Variants in NHSL1 observed in about 807,000 individuals in gnomAD.
NHSL1 encodes the protein NHS like 1.
A neutral mutation model predicts 95.0 loss-of-function variants in NHSL1; 48 were observed. The observed-to-expected ratio is 0.51, with a 90% confidence interval of 0.40 to 0.64. The LOEUF (loss-of-function observed/expected upper bound fraction) is 0.64. NHSL1 is among the 30% of genes least tolerant of loss of function. The probability of loss-of-function intolerance (pLI) is 0.00; values close to 1 mark genes in which losing one functional copy is unlikely to be tolerated. For missense variants in NHSL1, 1,971 were observed against 2,077.7 expected (o/e 0.95, Z 1.00); for synonymous variants, 783 against 833.9 (o/e 0.94, Z 1.05).
chr6:138,424,653 C>G lies in NHSL1; in HGVS notation c.4249G>C (p.Asp1417His), dbSNP rs763887669. Residue 1417 changes from aspartate (D) to histidine (H), a missense_variant, in exon 8 of 8, where the codon GAC becomes CAC. Coordinates refer to ENST00000343505, the MANE Select transcript of NHSL1 (RefSeq NM_001144060.2). This position sits in a 1 kb window ranked among gnomAD's most constrained non-coding sequence, Gnocchi z 5.9. The stretch of plus-strand genomic sequence containing the variant: ...TTCAGCAGCAGAGCTTTGAAGTTGT[C>G]ACTGCTGGTGCTGCTCTTTCGGATG... ...RSIRKSSTSSDNFKALLLKKG... is the reference protein window; with the variant it reads ...RSIRKSSTSSHNFKALLLKKG... The G allele has an allele frequency of 1.4e-5, 21 of 1,551,434 alleles. No individual in the cohort carries two copies. Among genetic ancestry groups the G allele is most frequent in the Non-Finnish European group, 1.8e-5 (21 of 1,146,992 alleles).
chr6:138,491,868 A>G lies in NHSL1; in HGVS notation c.211+4351T>C, dbSNP rs1231914825. Among the ~76,000 whole-genome samples the G allele has an allele frequency of 2.6e-5, 4 of 152,120 alleles. No homozygotes were observed. In the East Asian group the frequency reaches 7.7e-4, roughly 29 times the overall value. On this transcript the variant is annotated intron_variant, in intron 2 of 7. Coordinates refer to ENST00000343505, the MANE Select transcript of NHSL1 (RefSeq NM_001144060.2). ...CTAATCCCAAAACCCAAAATGCTCAAATGAGTACTTCCTTTGAGCATCATG... is the reference window on the plus strand; with the variant it reads ...CTAATCCCAAAACCCAAAATGCTCAGATGAGTACTTCCTTTGAGCATCATG...
At chr6:138,546,360 G>A (rs547916239), upstream of NHSL1, among the ~76,000 whole-genome samples, 3 of 139,570 alleles carry the variant, frequency 2.1e-5, no homozygotes, top group East Asian at 2.3e-4. Flanking sequence ...GGAGACCAAG[G>A]TGGGAATATC....
chr6:138,465,724 CTTT>C (rs61271607), intron 3 of NHSL1, among the ~76,000 whole-genome samples: 164 of 132,806 alleles, frequency 1.2e-3, no homozygotes, highest in Middle Eastern at 7.9e-3. Flanking sequence ...TTTTTCTTTT[CTTT>C]TTTTTTTTTT....
intron 2 of NHSL1, among the ~76,000 whole-genome samples, chr6:138,474,585 A>T (rs1276758317): frequency 2.0e-5 from 3 of 152,208 alleles, no homozygotes; most frequent in Non-Finnish European, 4.4e-5. Flanking sequence ...GATCTGTTAG[A>T]ATGGCAAACT....
At chr6:138,491,601 A>C (rs1466006512) in intron 2 of NHSL1, among the ~76,000 whole-genome samples, 1 of 152,224 alleles carries the variant, frequency 6.6e-6, no homozygotes, top group Non-Finnish European at 1.5e-5. Flanking sequence ...AAAAGGGTAG[A>C]CTTCTTCTGG....
chr6:138,477,460 G>A (rs1373530568), intron 2 of NHSL1, among the ~76,000 whole-genome samples: 5 of 152,000 alleles, frequency 3.3e-5, no homozygotes, highest in African/African-American at 9.7e-5. Flanking sequence ...TTAATTAGCC[G>A]GGCATGGTGG....
intron 5 of NHSL1, among the ~76,000 whole-genome samples, chr6:138,437,458 A>C (rs1437362834): frequency 2.4e-4 from 34 of 142,316 alleles, no homozygotes; most frequent in African/African-American, 9.1e-4. Flanking sequence ...AAAAAAAAAA[A>C]AAAAATACAA....
At chr6:138,453,494 A>G (rs528775392) in intron 3 of NHSL1, among the ~76,000 whole-genome samples, 32 of 151,694 alleles carry the variant, frequency 2.1e-4, no homozygotes, top group African/African-American at 7.3e-4. Context: ...AGCTGGGAGT[A>G]TGGATGTGCA....
At chr6:138,540,068 A>G (rs1295010382) in intron 1 of NHSL1, among the ~76,000 whole-genome samples, 1 of 152,238 alleles carries the variant, frequency 6.6e-6, no homozygotes, top group Non-Finnish European at 1.5e-5. Context: ...AATGCATGTT[A>G]TTACCACTGT....
chr6:138,493,910 T>C (rs1780209500), intron 2 of NHSL1, among the ~76,000 whole-genome samples: 1 of 152,222 alleles, frequency 6.6e-6, no homozygotes, highest in Non-Finnish European at 1.5e-5. Flanking sequence ...ATTCTTCTTA[T>C]TTAAGACTGA....
At chr6:138,658,106 C>G (rs1372353477) in intron 1 of NHSL1, among the ~76,000 whole-genome samples, 4 of 152,086 alleles carry the variant, frequency 2.6e-5, no homozygotes, top group Non-Finnish European at 4.4e-5. Flanking sequence ...ATAAATGAGG[C>G]TATAGGAGTC....
upstream of NHSL1, chr6:138,545,879 A>AG: frequency 3.3e-5 from 32 of 965,044 alleles, no homozygotes; most frequent in Non-Finnish European, 3.9e-5. Flanking sequence ...TCATCTTGAA[A>AG]GGGGAAAGGA....
At chr6:138,487,447 T>C (rs1449131763) in intron 2 of NHSL1, among the ~76,000 whole-genome samples, 1 of 152,224 alleles carries the variant, frequency 6.6e-6, no homozygotes, top group Non-Finnish European at 1.5e-5. Flanking sequence ...TTGATTGCAC[T>C]ATAATATCCA....
At chr6:138,479,926 A>G (rs1453717929) in intron 2 of NHSL1, among the ~76,000 whole-genome samples, 2 of 152,210 alleles carry the variant, frequency 1.3e-5, no homozygotes, top group African/African-American at 4.8e-5. Context: ...CCTTAAATAG[A>G]TGGTTACTAA....
In NHSL1 at chr6:138,433,657, C is replaced by A; in HGVS notation, c.688G>T (p.Ala230Ser). The change falls in exon 6 of 8, where the codon GCT (alanine) becomes TCT (serine). Residue 230 changes from alanine to serine, a missense_variant. By Grantham distance (99) the Ala-to-Ser change is moderately conservative. This residue lies in a region of NHSL1 where 1,602 missense variants were observed against 1,654.5 expected (regional missense o/e 0.97). Coordinates refer to ENST00000343505, the MANE Select transcript of NHSL1 (RefSeq NM_001144060.2). Reference protein sequence around the residue: ...ELASGTGQDDADGHSVYTPDH... With the variant: ...ELASGTGQDDSDGHSVYTPDH... ...GGGGTGTACACTGAGTGGCCATCAG[C>A]ATCATCTTGGCCAGTGCCTGATGCT... 3 of 1,543,750 alleles carry A rather than the reference C, an allele frequency of 1.9e-6. No homozygotes were observed. The highest frequency in any genetic ancestry group is 2.6e-6 in the Non-Finnish European group (3 of 1,140,648).
chr6:138,587,702 A>G (rs200638543), intron 1 of NHSL1, among the ~76,000 whole-genome samples: 3 of 152,146 alleles, frequency 2.0e-5, no homozygotes, highest in African/African-American at 4.8e-5. Context: ...TTCGATTCTA[A>G]TATTTTAAAA....
rs191948202 is a variant in NHSL1 at position 138,482,371 on chromosome 6, G to A, written c.212-8938C>T. 2.2e-3 allele frequency among the ~76,000 whole-genome samples: 334 copies of A among 151,428 alleles called. 1 individual carries two copies. Among genetic ancestry groups the A allele is most frequent in the African/African-American group, 7.3e-3 (300 of 41,236 alleles). ...TGAGGCAGGAGAATTGCTTGAACCC[G>A]GGAGGCGGAGGTTGCAGTGAGCTGA... On this transcript the variant is annotated intron_variant, in intron 2 of 7. Transcript: ENST00000343505.
At chr6:138,457,334 T>C (rs1025043681) in intron 3 of NHSL1, among the ~76,000 whole-genome samples, 2 of 152,224 alleles carry the variant, frequency 1.3e-5, no homozygotes, top group Non-Finnish European at 2.9e-5. Flanking sequence ...ATCAAAGATA[T>C]GTGTGGATCT....
At chr6:138,517,415 T>C (rs1485088186) in intron 1 of NHSL1, among the ~76,000 whole-genome samples, 1 of 152,236 alleles carries the variant, frequency 6.6e-6, no homozygotes, top group Non-Finnish European at 1.5e-5. Flanking sequence ...TATTCATTTT[T>C]TAAATGCTGA....
Sources: gnomAD v4.1 joint callset for allele counts (sites outside exome capture counted in the v4.1 genomes callset) on GRCh38, gnomAD v4.1.1 for gene constraint, gnomAD v4.1.1 regional missense constraint, Gnocchi (gnomAD v3.1) non-coding constraint, MANE v1.5 for transcripts, NCBI Gene and HGNC (gene_info 2026-07-23, HGNC 2026-07-21) for gene names.